The following ESCO2 variants were observed in gnomAD, a reference collection of about 807,000 sequenced individuals.
ESCO2 encodes the protein N-acetyltransferase ESCO2.
In ESCO2, 51 loss-of-function variants were observed where a neutral mutation model predicts 61.7. That is an observed-to-expected ratio of 0.83 (90% CI 0.66 to 1.04). ESCO2 has a LOEUF of 1.04. ESCO2 is among the 50% of genes least tolerant of loss of function. ESCO2 has a pLI of 0.00. For missense variants in ESCO2, 692 were observed against 686.2 expected, an observed-to-expected ratio of 1.01 and a Z score of -0.09; for synonymous variants, 230 against 238.2, an observed-to-expected ratio of 0.97 and a Z score of 0.32.
chr8:27,812,575 A>G, downstream of ESCO2: 1 of 151,918 alleles, frequency 6.6e-6, no homozygotes, highest in East Asian at 1.9e-4. Context: ...GACCTATCTG[A>G]CAAAGGGCTA....
upstream of ESCO2, chr8:27,773,668 A>G (rs1804709495): frequency 6.6e-6 from 1 of 152,170 alleles, no homozygotes; most frequent in African/African-American, 2.4e-5. Flanking sequence ...CAGCATGTAT[A>G]CTAAAATTGG....
intron 10 of ESCO2, among the ~76,000 whole-genome samples, chr8:27,802,813 A>G: frequency 6.7e-6 from 1 of 149,710 alleles, no homozygotes; most frequent in East Asian, 2.0e-4. Flanking sequence ...GTGGCGAGAT[A>G]TCGGCTCACT....
chr8:27,813,301 C>T (rs1805733650), downstream of ESCO2, among the ~76,000 whole-genome samples: 1 of 152,106 alleles, frequency 6.6e-6, no homozygotes, highest in Non-Finnish European at 1.5e-5. Flanking sequence ...GGGAACATCA[C>T]ACCCTGGGGC....
Position 27,799,521 on chromosome 8 carries a change from G to T in ESCO2, c.1498-20G>T. The T allele has an allele frequency of 1.2e-6, 2 of 1,613,562 alleles. No homozygotes were observed. Among genetic ancestry groups the T allele is most frequent in the Non-Finnish European group, 1.7e-6 (2 of 1,179,824 alleles). On this transcript the variant is annotated intron_variant, in intron 9 of 10. Coordinates refer to ENST00000305188, the MANE Select transcript of ESCO2 (RefSeq NM_001017420.3). The stretch of plus-strand genomic sequence containing the variant: ...CTCATCTGTGGTGTTAGCTATAGAT[G>T]CTTCTGTATATCATTGCAGGCATTT...
Position 27,803,626 on chromosome 8 carries a change from T to C in ESCO2, c.*188T>C. 7.3e-7 allele frequency: 1 copy of C among 1,365,906 alleles called. No individual in the cohort carries two copies. The highest frequency in any genetic ancestry group is 9.4e-7 in the Non-Finnish European group (1 of 1,066,208). 84.6% of individuals were successfully genotyped at this position (1,365,906 alleles called of 1,614,324 possible). On this transcript the variant is annotated 3_prime_UTR_variant, in exon 11 of 11. Coordinates refer to ENST00000305188, the MANE Select transcript of ESCO2 (RefSeq NM_001017420.3). ...AGTTGAAAAGTCAGGAATAAATTTG[T>C]TGAAAATTATCTGGGGATTCAAAGG...
At chr8:27,786,098 C>G (rs1805035201) in intron 5 of ESCO2, among the ~76,000 whole-genome samples, 1 of 152,132 alleles carries the variant, frequency 6.6e-6, no homozygotes. Flanking sequence ...GGGTCAGTGA[C>G]TTGAACAAGT....
upstream of ESCO2, chr8:27,773,785 A>T (rs1489787941): frequency 6.6e-6 from 1 of 152,248 alleles, no homozygotes; most frequent in Admixed American, 6.5e-5. Flanking sequence ...ATTTGAAACT[A>T]AAAATGTGCC....
chr8:27,772,476 G>C (rs943169570), upstream of ESCO2: 16 of 1,547,852 alleles, frequency 1.0e-5, no homozygotes, highest in Admixed American at 3.1e-4. Flanking sequence ...GGAGCCCGCT[G>C]TCCAGCAGGG....
downstream of ESCO2, chr8:27,808,376 CTAAT>C: frequency 6.7e-6 from 2 of 300,320 alleles, no homozygotes; most frequent in Non-Finnish European, 1.2e-5. Flanking sequence ...TTTTGATTTA[CTAAT>C]TAATTCAGTG....
At chr8:27,814,385 T>G (rs955959149), downstream of ESCO2, among the ~76,000 whole-genome samples, 4 of 152,194 alleles carry the variant, frequency 2.6e-5, no homozygotes, top group African/African-American at 9.6e-5. Flanking sequence ...AACCCTTTTC[T>G]CATTCCTGTT....
the ESCO2 span, among the ~76,000 whole-genome samples, chr8:27,818,281 G>A: frequency 6.6e-6 from 1 of 152,174 alleles, no homozygotes; most frequent in Non-Finnish European, 1.5e-5. Context: ...TGTATGAGAG[G>A]ACATGTTAAC....
At chr8:27,780,122 A>G in intron 3 of ESCO2, 52 bp from the exon 4 acceptor site, 1 of 1,125,102 alleles carries the variant, frequency 8.9e-7, no homozygotes, top group Non-Finnish European at 1.3e-6. Flanking sequence ...CATTCACTAG[A>G]AAATAGTTAA....
At chr8:27,810,721 T>C (rs543029584), downstream of ESCO2, among the ~76,000 whole-genome samples, 7 of 152,256 alleles carry the variant, frequency 4.6e-5, no homozygotes, top group Admixed American at 1.3e-4. Flanking sequence ...CTTCCTGTGA[T>C]AGTTTTCCAA....
downstream of ESCO2, chr8:27,808,339 G>A: frequency 2.0e-6 from 1 of 498,558 alleles, no homozygotes; most frequent in South Asian, 2.8e-5. Flanking sequence ...TTCCTGGGAG[G>A]TGAGAAAGCC....
intron 5 of ESCO2, among the ~76,000 whole-genome samples, chr8:27,785,141 A>G (rs961112099): frequency 2.0e-5 from 3 of 152,246 alleles, no homozygotes; most frequent in Non-Finnish European, 2.9e-5. Flanking sequence ...TTCTTGCTGC[A>G]TGATCCCATG....
chr8:27,776,434 A>G lies in ESCO2; in HGVS notation c.126A>G (p.Lys42=). 1 of 1,607,160 alleles carries G rather than the reference A, an allele frequency of 6.2e-7. No individual in the cohort carries two copies. The highest frequency in any genetic ancestry group is 2.2e-5 in the East Asian group (1 of 44,846). ...KKHCFYQNSD[K]NEENLHCSQQ... is the part of the protein sequence containing the mutation. ...ACTGTTTTTATCAAAACAGTGATAA[A>G]AATGAAGAAAACCTGCATTGCTCTC... The change falls in exon 3 of 11, where the codon AAA becomes AAG. Residue 42 remains lysine (K), a synonymous_variant. Transcript: ENST00000305188.
At chr8:27,783,917 G>T (rs1804979170) in intron 4 of ESCO2, 83 bp from the exon 5 acceptor site, 2 of 1,247,808 alleles carry the variant, frequency 1.6e-6, no homozygotes, top group Admixed American at 3.4e-5. Context: ...GTATTATTTT[G>T]TCTTATTAAC....
downstream of ESCO2, chr8:27,809,560 A>G (rs1005713820): frequency 6.6e-6 from 1 of 152,196 alleles, no homozygotes; most frequent in African/African-American, 2.4e-5. Context: ...GAAACCTCAC[A>G]TTTACTCAAG....
chr8:27,794,368 A>G (rs1585405260), intron 9 of ESCO2, among the ~76,000 whole-genome samples: 1 of 152,094 alleles, frequency 6.6e-6, no homozygotes, highest in Non-Finnish European at 1.5e-5. Context: ...TTGAATGAGC[A>G]TTTTTTCATA....
Sources: allele counts gnomAD v4.1 joint callset (sites outside exome capture counted in the v4.1 genomes callset), GRCh38; gene constraint gnomAD v4.1.1; transcripts MANE v1.5; gene names NCBI Gene and HGNC (gene_info 2026-07-23, HGNC 2026-07-21).